The following RAB40C variants were observed in gnomAD, a reference collection of about 807,000 sequenced individuals.
RAB40C encodes ras-related protein Rab-40C.
RAB40C carries 8 observed loss-of-function variants against 28.1 expected under a neutral mutation model. That is an observed-to-expected ratio of 0.28 (90% CI 0.17 to 0.51). The LOEUF (loss-of-function observed/expected upper bound fraction) is 0.51. Among genes scored for constraint, RAB40C ranks in the 20% least tolerant of loss-of-function variants. RAB40C has a pLI of 0.97. For missense variants in RAB40C, 288 were observed against 405.9 expected (o/e 0.71, Z 2.50); for synonymous variants, 201 against 171.7 (o/e 1.17, Z -1.34).
At chr16:598,317 G>T (rs1054057184) in intron 1 of RAB40C, among the ~76,000 whole-genome samples, 7 of 151,636 alleles carry the variant, frequency 4.6e-5, no homozygotes, top group Non-Finnish European at 8.8e-5. Context: ...GGCAGAGCTT[G>T]CAGTGAGCCG....
intron 1 of RAB40C, among the ~76,000 whole-genome samples, chr16:607,599 G>C (rs2036388461): frequency 1.3e-5 from 2 of 151,366 alleles, no homozygotes; most frequent in Non-Finnish European, 2.9e-5. Flanking sequence ...GTCAGGAGAT[G>C]GAGACCACGG....
rs1390891742 is a variant in RAB40C, at chr16:590,331, C to T, written c.40C>T (p.Leu14=). ...CAGTCCGGTGAAGAGCTACGACTACCTGCTCAAGTTCCTGCTGGTGGGCGA... is the reference window on the plus strand; with the variant it reads ...CAGTCCGGTGAAGAGCTACGACTACTTGCTCAAGTTCCTGCTGGTGGGCGA... The part of the protein sequence containing the change: ...QGSPVKSYDY[L]LKFLLVGDSD... The change falls in exon 1 of 6, where the codon CTG becomes TTG. Residue 14 remains leucine (L), a synonymous_variant. Transcript: ENST00000248139. 7.5e-6 allele frequency: 12 copies of T among 1,592,792 alleles called. No individual in the cohort carries two copies. The highest frequency in any genetic ancestry group is 4.7e-5 in the East Asian group (2 of 42,608).
At chr16:604,826 G>C (rs1015806344) in intron 1 of RAB40C, among the ~76,000 whole-genome samples, 1 of 152,178 alleles carries the variant, frequency 6.6e-6, no homozygotes, top group Non-Finnish European at 1.5e-5. Flanking sequence ...TTGGGAGGCC[G>C]AGGCAGGCAG....
intron 3 of RAB40C, among the ~76,000 whole-genome samples, chr16:620,607 C>T (rs1283665732): frequency 2.0e-5 from 3 of 148,172 alleles, no homozygotes; most frequent in South Asian, 2.1e-4. Flanking sequence ...GGCTCCACTG[C>T]GGGCATCCCA....
chr16:613,965 C>T (rs929554370), intron 1 of RAB40C, among the ~76,000 whole-genome samples: 3 of 152,182 alleles, frequency 2.0e-5, no homozygotes, highest in Non-Finnish European at 2.9e-5. Flanking sequence ...ACACAGTCGG[C>T]GCAGATGCTT....
chr16:594,022 G>T (rs767557244), intron 1 of RAB40C, among the ~76,000 whole-genome samples: 1 of 152,086 alleles, frequency 6.6e-6, no homozygotes, highest in Non-Finnish European at 1.5e-5. Context: ...AGGGTGGTGG[G>T]CCCGTGTTGG....
intron 1 of RAB40C, among the ~76,000 whole-genome samples, chr16:590,861 G>C (rs1444223360): frequency 1.5e-5 from 2 of 137,274 alleles, no homozygotes; most frequent in Non-Finnish European, 3.2e-5. Flanking sequence ...GGAAGGTGTC[G>C]TGGGCCGGAG....
chr16:621,694 G>C (rs1800406819), intron 3 of RAB40C, among the ~76,000 whole-genome samples: 1 of 152,258 alleles, frequency 6.6e-6, no homozygotes, highest in Non-Finnish European at 1.5e-5. Flanking sequence ...GTCCCTTGGT[G>C]TGTGGAGGGT....
At chr16:624,476 G>A in intron 3 of RAB40C, 3 of 985,500 alleles carry the variant, frequency 3.0e-6, no homozygotes, top group South Asian at 4.7e-5. Context: ...CCTTCGCCCT[G>A]GGAGCTTAGT....
At chr16:623,447 A>C (rs1247038765) in intron 3 of RAB40C, among the ~76,000 whole-genome samples, 2 of 151,602 alleles carry the variant, frequency 1.3e-5, no homozygotes, top group Non-Finnish European at 2.9e-5. Flanking sequence ...CAGGAGATCA[A>C]GACCATCCTG....
chr16:618,843 A>G (rs377047571), intron 3 of RAB40C, among the ~76,000 whole-genome samples: 89 of 88,900 alleles, frequency 1.0e-3, no homozygotes, highest in Admixed American at 9.8e-4. Context: ...GGCCATGTGT[A>G]TGTGCAGGCA....
At chr16:626,799 G>A (rs1234502451) in intron 5 of RAB40C, among the ~76,000 whole-genome samples, 10 of 152,174 alleles carry the variant, frequency 6.6e-5, no homozygotes, top group Admixed American at 1.3e-4. Context: ...TTAACCGGGC[G>A]TGGTGACGCA....
chr16:627,740 G>T lies in RAB40C; in HGVS notation c.*118G>T, dbSNP rs150768098. ...CTGTCCACACAGCTGCCTCAGAAGC[G>T]CCGGGCTTTCCTCACACCTGAGCCG... On this transcript the variant is annotated 3_prime_UTR_variant, in exon 6 of 6. Transcript: ENST00000248139. 3 of 1,288,270 alleles carry T rather than the reference G, an allele frequency of 2.3e-6. No individual in the cohort carries two copies. The highest frequency in any genetic ancestry group is 1.6e-5 in the South Asian group (1 of 63,604). The allele number at this position is 1,288,270 out of a possible 1,614,324, so 79.8% of individuals were successfully genotyped here. A position where few individuals can be genotyped will look rare whatever the true frequency, so the allele number is the denominator to read the frequency against.
intron 1 of RAB40C, among the ~76,000 whole-genome samples, chr16:614,067 C>T (rs1194137747): frequency 6.6e-6 from 1 of 151,962 alleles, no homozygotes; most frequent in Non-Finnish European, 1.5e-5. Context: ...CTAACTCTGC[C>T]GTATCCCGAT....
At position 590,235 on chromosome 16, in the gene RAB40C, G is replaced by A. The variant is rs2035960278; in HGVS notation, c.-57G>A. On this transcript the variant is annotated 5_prime_UTR_variant, in exon 1 of 6. Transcript: ENST00000248139. ...CGGGGCGCGGGCTCTCTCACGCCGC[G>A]GCCTCACCCGGCGGTGCTTCGGCAG... 8 of 1,282,512 alleles carry A rather than the reference G, an allele frequency of 6.2e-6. No individual in the cohort carries two copies. Among genetic ancestry groups the A allele is most frequent in the Middle Eastern group, 3.0e-4 (1 of 3,350 alleles). 79.4% of individuals were successfully genotyped at this position (1,282,512 alleles called of 1,614,324 possible). A position where few individuals can be genotyped will look rare whatever the true frequency, so the allele number is the denominator to read the frequency against.
In RAB40C at chr16:626,121, G is replaced by C; in HGVS notation, c.565G>C (p.Val189Leu). Residue 189 changes from valine to leucine, a missense_variant and splice_region_variant, in exon 5 of 6, where the codon GTG becomes CTG. Physicochemically the swap from Val to Leu is conservative, Grantham distance 32. This residue lies in a region of RAB40C where 153 missense variants were observed against 262.4 expected (regional missense o/e 0.58). Transcript: ENST00000248139. ...GMEKIWRPNRVFSLQDLCCRA... is the reference protein window; with the variant it reads ...GMEKIWRPNRLFSLQDLCCRA... ...GGAGAAGATCTGGAGGCCCAACCGAGGTGGGTGGGCGGGCGCCGGCCAGCC... is the reference window on the plus strand; with the variant it reads ...GGAGAAGATCTGGAGGCCCAACCGACGTGGGTGGGCGGGCGCCGGCCAGCC... 1 of 1,611,868 alleles carries C rather than the reference G, an allele frequency of 6.2e-7. No homozygotes were observed. The highest frequency in any genetic ancestry group is 8.5e-7 in the Non-Finnish European group (1 of 1,179,124).
chr16:596,259 G>C (rs538319843), intron 1 of RAB40C: 1 of 455,092 alleles, frequency 2.2e-6, no homozygotes, highest in South Asian at 1.6e-5. Context: ...GGGCGGGAAG[G>C]ACACAAGGGA....
At chr16:593,135 G>A (rs888898360) in intron 1 of RAB40C, among the ~76,000 whole-genome samples, 1 of 152,222 alleles carries the variant, frequency 6.6e-6, no homozygotes, top group South Asian at 2.1e-4. Flanking sequence ...TGTGTCTAAG[G>A]TCTCAAGGTT....
chr16:594,850 T>TA (rs1596396706), intron 1 of RAB40C, among the ~76,000 whole-genome samples: 1 of 151,254 alleles, frequency 6.6e-6, no homozygotes, highest in East Asian at 1.9e-4. Context: ...GACGAAGTCT[T>TA]ACTCTCTTGC....
Sources: gnomAD v4.1 joint callset for allele counts (sites outside exome capture counted in the v4.1 genomes callset) on GRCh38, gnomAD v4.1.1 for gene constraint, gnomAD v4.1.1 regional missense constraint, MANE v1.5 for transcripts, NCBI Gene and HGNC (gene_info 2026-07-23, HGNC 2026-07-21) for gene names.